RIN2: variants seen among roughly 807,000 people sequenced by gnomAD.
RIN2 encodes the protein Ras and Rab interactor 2, also known as RAB5 interacting protein 2.
Under a neutral mutation model 78.0 loss-of-function variants are expected in RIN2, and 36 were observed. The ratio of observed to expected loss-of-function variants is 0.46; its 90% CI spans 0.35 to 0.61. RIN2 has a LOEUF of 0.61. Among genes scored for constraint, RIN2 ranks in the 20% least tolerant of loss-of-function variants. The pLI, the probability that RIN2 is intolerant of heterozygous loss-of-function variation, is 0.00. For missense variants in RIN2, 1,087 were observed against 1,159.7 expected (o/e 0.94, Z 0.91); for synonymous variants, 466 against 466.8 (o/e 1.00, Z 0.02).
chr20:19,873,473 G>T (rs531492867), intron 2 of RIN2, among the ~76,000 whole-genome samples: 3 of 152,160 alleles, frequency 2.0e-5, no homozygotes, highest in Non-Finnish European at 2.9e-5. Flanking sequence ...TTTAGGGTTT[G>T]CAGGCCACGT....
At chr20:19,810,664 A>G (rs13041533) in intron 2 of RIN2, among the ~76,000 whole-genome samples, 20,036 of 142,970 alleles carry the variant, frequency 0.14, 1,812 homozygotes, top group African/African-American at 0.25. Flanking sequence ...AAGTTTGATC[A>G]TGTTAAGATT....
At chr20:19,908,525 G>C (rs1306536887) in intron 3 of RIN2, among the ~76,000 whole-genome samples, 1 of 151,830 alleles carries the variant, frequency 6.6e-6, no homozygotes, top group African/African-American at 2.4e-5. Context: ...AAAGAGTTTG[G>C]ACATCAAGGG....
intron 1 of RIN2, among the ~76,000 whole-genome samples, chr20:19,795,852 C>G (rs998237546): frequency 1.3e-5 from 2 of 152,068 alleles, no homozygotes; most frequent in African/African-American, 2.4e-5. Context: ...TCACTAAGCT[C>G]CAGAAGCTCT....
chr20:19,814,445 T>G (rs73275026), intron 2 of RIN2, among the ~76,000 whole-genome samples: 1 of 143,752 alleles, frequency 7.0e-6, no homozygotes, highest in East Asian at 2.2e-4. Context: ...CCTTCCAAAA[T>G]GAGATGACAT....
chr20:19,891,176 G>T, intron 3 of RIN2, among the ~76,000 whole-genome samples: 1 of 152,146 alleles, frequency 6.6e-6, no homozygotes, highest in Non-Finnish European at 1.5e-5. Flanking sequence ...AAGCTTTGTG[G>T]ACAAAGTAGT....
chr20:19,886,296 G>A (rs937854651), intron 2 of RIN2, among the ~76,000 whole-genome samples: 3 of 152,208 alleles, frequency 2.0e-5, no homozygotes, highest in Non-Finnish European at 4.4e-5. Flanking sequence ...TCACATAGCA[G>A]GCAGGCAGTG....
chr20:19,951,494 G>A lies in RIN2; in HGVS notation c.159-5121G>A, dbSNP rs539473000. Among the ~76,000 whole-genome samples, 6 of 152,316 alleles carry A rather than the reference G, an allele frequency of 3.9e-5. No individual in the cohort carries two copies. In the South Asian group the frequency reaches 6.2e-4, roughly 16 times the overall value. Reference sequence around the variant, plus strand: ...GTCAGGGCAGCTCATTTTTGGAGGAGTTAACACAGATCACTTGGTTAAGGT... The same window carrying A: ...GTCAGGGCAGCTCATTTTTGGAGGAATTAACACAGATCACTTGGTTAAGGT... On this transcript the variant is annotated intron_variant, in intron 4 of 12. Transcript: ENST00000255006.
chr20:19,928,248 C>A (rs940215355), intron 3 of RIN2, among the ~76,000 whole-genome samples: 13 of 152,202 alleles, frequency 8.5e-5, no homozygotes, highest in Non-Finnish European at 1.5e-4. Flanking sequence ...CCTCCAATGA[C>A]CTTCCCTTGA....
chr20:19,848,065 A>G (rs866118404), intron 2 of RIN2, among the ~76,000 whole-genome samples: 7 of 152,188 alleles, frequency 4.6e-5, no homozygotes, highest in Admixed American at 3.3e-4. Context: ...CTCCTGCTTG[A>G]TGAGAAAATA....
chr20:19,942,071 C>T (rs1294518433), intron 4 of RIN2, among the ~76,000 whole-genome samples: 3 of 148,622 alleles, frequency 2.0e-5, no homozygotes, highest in Non-Finnish European at 4.4e-5. Flanking sequence ...GATCAAGCCA[C>T]TGCACTCCAG....
At position 19,960,802 on chromosome 20, in the gene RIN2, A is replaced by C; in HGVS notation, c.454A>C (p.Ser152Arg). The change falls in exon 6 of 13, where the codon AGC becomes CGC. Residue 152 changes from serine to arginine, a missense_variant. Around this residue, in one of 8 missense-constraint regions of RIN2, gnomAD observed 706 missense variants for 667.5 expected, o/e 1.06. Coordinates refer to ENST00000255006, the MANE Select transcript of RIN2 (RefSeq NM_018993.4). ...APLKEFAIKE[S>R]TYTFSLEGSG... ...ACTCAAGGAATTTGCCATAAAGGAA[A>C]GCACATACAGTAAGTGGTCATTGGA... is the stretch of plus-strand genomic sequence containing the variant. The C allele has an allele frequency of 6.3e-7, 1 of 1,589,060 alleles. No homozygotes were observed. The highest frequency in any genetic ancestry group is 8.6e-7 in the Non-Finnish European group (1 of 1,165,676).
intron 3 of RIN2, among the ~76,000 whole-genome samples, chr20:19,903,524 GGTTCT>G (rs1488166836): frequency 6.6e-6 from 1 of 152,128 alleles, no homozygotes; most frequent in Non-Finnish European, 1.5e-5. Context: ...GGTCACTTGG[GGTTCT>G]GTTCCGGGAC....
chr20:19,844,601 C>CTCTTCTTCTTCTTCTTCT (rs1181481041), intron 2 of RIN2, among the ~76,000 whole-genome samples: 3 of 123,020 alleles, frequency 2.4e-5, no homozygotes, highest in Non-Finnish European at 3.5e-5. Context: ...CTGCTTCTTC[C>CTCTTCTTCTTCTTCTTCT]TCTTCTTCTT....
intron 1 of RIN2, among the ~76,000 whole-genome samples, chr20:19,795,049 A>G (rs1169674026): frequency 1.3e-5 from 2 of 152,236 alleles, no homozygotes; most frequent in Non-Finnish European, 2.9e-5. Flanking sequence ...GTTAAAGTTC[A>G]ATAACCCATT....
At chr20:19,783,183 G>T (rs2034566541) in intron 1 of RIN2, among the ~76,000 whole-genome samples, 1 of 152,196 alleles carries the variant, frequency 6.6e-6, no homozygotes, top group African/African-American at 2.4e-5. Context: ...TTATATTAGA[G>T]TTGTAACTGG....
intron 2 of RIN2, among the ~76,000 whole-genome samples, chr20:19,883,869 C>T (rs1025242498): frequency 9.3e-5 from 13 of 139,344 alleles, no homozygotes; most frequent in African/African-American, 2.5e-4. Flanking sequence ...TTTTAACCAC[C>T]GCACCTCACA....
intron 3 of RIN2, among the ~76,000 whole-genome samples, chr20:19,893,764 T>A (rs1272815666): frequency 6.6e-6 from 1 of 152,176 alleles, no homozygotes; most frequent in East Asian, 1.9e-4. Flanking sequence ...AAGTGGTATC[T>A]TCCTGCTCCA....
At chr20:19,913,441 C>G (rs2039557952) in intron 3 of RIN2, among the ~76,000 whole-genome samples, 2 of 152,184 alleles carry the variant, frequency 1.3e-5, no homozygotes, top group South Asian at 4.1e-4. Context: ...AGCCACCATG[C>G]CCAGTCACAT....
intron 4 of RIN2, among the ~76,000 whole-genome samples, chr20:19,944,384 A>G (rs146411205): frequency 2.6e-5 from 4 of 152,272 alleles, no homozygotes; most frequent in Middle Eastern, 3.4e-3. Flanking sequence ...TTTGAGGTGT[A>G]TATTTGTGTT....
Sources: allele counts gnomAD v4.1 joint callset (sites outside exome capture counted in the v4.1 genomes callset), GRCh38; gene constraint gnomAD v4.1.1; regional missense constraint gnomAD v4.1.1; transcripts MANE v1.5; gene names NCBI Gene and HGNC (gene_info 2026-07-23, HGNC 2026-07-21).